Variants in HTR4 observed in about 807,000 individuals in gnomAD.
HTR4 encodes the protein 5-hydroxytryptamine receptor 4.
HTR4 carries 16 observed loss-of-function variants against 36.8 expected under a neutral mutation model. The ratio of observed to expected loss-of-function variants is 0.43; its 90% confidence interval spans 0.29 to 0.66. The LOEUF (loss-of-function observed/expected upper bound fraction) is 0.66, where lower values mean the gene tolerates loss of function less well. HTR4 is among the 30% of genes least tolerant of loss of function. The pLI is 0.13. For missense variants in HTR4, 438 were observed against 490.9 expected (o/e 0.89, Z 1.02); for synonymous variants, 189 against 185.1 (o/e 1.02, Z -0.17).
chr5:148,545,689 C>A (rs1759354372), intron 4 of HTR4, among the ~76,000 whole-genome samples: 1 of 152,058 alleles, frequency 6.6e-6, no homozygotes, highest in African/African-American at 2.4e-5. Context: ...GAGCAGAGAG[C>A]CCTGGAGAAC....
chr5:148,490,542 T>TTG (rs1756369892), intron 6 of HTR4: 29 of 1,118,260 alleles, frequency 2.6e-5, no homozygotes, highest in Non-Finnish European at 3.2e-5. Flanking sequence ...GCTTATGATT[T>TTG]TGTAACTCAC....
At chr5:148,484,290 C>G in intron 6 of HTR4, 1 of 1,613,728 alleles carries the variant, frequency 6.2e-7, no homozygotes, top group South Asian at 1.1e-5. Flanking sequence ...AGTCAAACAT[C>G]TAATGCTCAA....
chr5:148,459,948 T>A (rs1249664943), intron 5 of HTR4, among the ~76,000 whole-genome samples: 1 of 152,006 alleles, frequency 6.6e-6, no homozygotes, highest in Non-Finnish European at 1.5e-5. Flanking sequence ...GAGATGGAAA[T>A]TCTGAGAAAG....
At chr5:148,497,764 A>G (rs1756753856) in intron 6 of HTR4, among the ~76,000 whole-genome samples, 1 of 152,232 alleles carries the variant, frequency 6.6e-6, no homozygotes, top group South Asian at 2.1e-4. Flanking sequence ...CTGAGTTTGC[A>G]CATTTGATGA....
intron 6 of HTR4, among the ~76,000 whole-genome samples, chr5:148,487,244 G>T (rs1299521567): frequency 1.3e-5 from 2 of 152,064 alleles, no homozygotes; most frequent in Non-Finnish European, 2.9e-5. Context: ...CTATAACTTG[G>T]GTATTCTGCC....
At position 148,644,429 on chromosome 5, in the gene HTR4, T is replaced by G. The variant is rs1012217960; in HGVS notation, c.-47-7368A>C. On this transcript the variant is annotated intron_variant, in intron 1 of 6. Transcript: ENST00000377888. ...TAGGTCTCAAGCTCACAAGTTTTTT[T>G]TTTTTTTTTTTTTTTTTTTTTTTTT... 5.7e-5 allele frequency among the ~76,000 whole-genome samples: 7 copies of G among 123,822 alleles called. No homozygotes were observed. In the East Asian group the frequency reaches 7.0e-4, roughly 12 times the overall value. The allele number at this position is 123,822 out of a possible 152,430, so 81.2% of individuals were successfully genotyped here. A position where few individuals can be genotyped will look rare whatever the true frequency, so the allele number is the denominator to read the frequency against.
intron 2 of HTR4, among the ~76,000 whole-genome samples, chr5:148,624,620 C>G (rs1025135640): frequency 2.0e-5 from 3 of 152,302 alleles, no homozygotes; most frequent in East Asian, 3.9e-4. Context: ...ACAGGAGAAG[C>G]CTTTTCAACC....
At chr5:148,586,860 C>T (rs985202529) in intron 2 of HTR4, among the ~76,000 whole-genome samples, 34 of 152,318 alleles carry the variant, frequency 2.2e-4, no homozygotes, top group African/African-American at 7.9e-4. Context: ...CAACTTCTCT[C>T]ACCCACTCCT....
Position 148,483,173 on chromosome 5 carries a change from G to A in HTR4, c.*30C>T. 3.7e-6 allele frequency: 6 copies of A among 1,613,850 alleles called. No homozygotes were observed. The highest frequency in any genetic ancestry group is 5.1e-6 in the Non-Finnish European group (6 of 1,179,828). On this transcript the variant is annotated 3_prime_UTR_variant, in exon 7 of 7. Transcript: ENST00000377888. ...GGACCTGGCCCTCTTTCGGAGGCAT[G>A]GCTGTCTTCTGGGTCATTGTCCCAG...
At chr5:148,559,881 A>C (rs996635091) in intron 2 of HTR4, among the ~76,000 whole-genome samples, 7 of 152,034 alleles carry the variant, frequency 4.6e-5, no homozygotes, top group Non-Finnish European at 1.0e-4. Context: ...CCCGCTTATA[A>C]AGCTTTTTTA....
At chr5:148,565,426 A>G (rs935183939) in intron 2 of HTR4, among the ~76,000 whole-genome samples, 25 of 152,140 alleles carry the variant, frequency 1.6e-4, no homozygotes, top group African/African-American at 5.8e-4. Flanking sequence ...TCCAGACACA[A>G]CTGGTAGAAA....
At chr5:148,542,128 C>G (rs970277008) in intron 4 of HTR4, among the ~76,000 whole-genome samples, 3 of 152,164 alleles carry the variant, frequency 2.0e-5, no homozygotes, top group Non-Finnish European at 4.4e-5. Context: ...TTAGTAAGCA[C>G]TCCATAAATG....
chr5:148,640,518 G>C (rs1052917806), intron 1 of HTR4, among the ~76,000 whole-genome samples: 1 of 152,186 alleles, frequency 6.6e-6, no homozygotes, highest in East Asian at 1.9e-4. Context: ...GGAGGAGCTT[G>C]TCTGAGAAGA....
chr5:148,643,623 T>C (rs1017544600), intron 1 of HTR4, among the ~76,000 whole-genome samples: 18 of 152,308 alleles, frequency 1.2e-4, no homozygotes, highest in Admixed American at 3.3e-4. Flanking sequence ...AAAAGAGATA[T>C]AGTACATGAT....
At position 148,546,111 on chromosome 5, in the gene HTR4, C is replaced by T. The variant is rs377675976; in HGVS notation, c.353+2557G>A. 7.6e-4 allele frequency among the ~76,000 whole-genome samples: 116 copies of T among 152,138 alleles called. 2 individuals are homozygous for T. In the South Asian group the frequency reaches 0.023, roughly 30 times the overall value. ...GAAAGACTGCTATCAGAATAACTAC[C>T]TGGTTTCTAGATGATGCAAGCTGTT... On this transcript the variant is annotated intron_variant, in intron 4 of 6. Transcript: ENST00000377888.
At chr5:148,650,499 A>G (rs1310556188) in intron 1 of HTR4, among the ~76,000 whole-genome samples, 1 of 152,216 alleles carries the variant, frequency 6.6e-6, no homozygotes, top group Non-Finnish European at 1.5e-5. Context: ...CTGTCTCAAT[A>G]GCATAAAAAA....
At chr5:148,455,961 T>A (rs1755092547) in intron 5 of HTR4, among the ~76,000 whole-genome samples, 1 of 152,028 alleles carries the variant, frequency 6.6e-6, no homozygotes, top group Non-Finnish European at 1.5e-5. Context: ...TCTTCCTGTC[T>A]CAGGGGTGGC....
At chr5:148,572,252 A>G (rs1273381175) in intron 2 of HTR4, among the ~76,000 whole-genome samples, 1 of 152,074 alleles carries the variant, frequency 6.6e-6, no homozygotes, top group Non-Finnish European at 1.5e-5. Context: ...TGCCAGAAAG[A>G]GTCATATCTG....
intron 5 of HTR4, among the ~76,000 whole-genome samples, chr5:148,518,931 G>A (rs547347392): frequency 1.3e-5 from 2 of 152,078 alleles, no homozygotes; most frequent in East Asian, 1.9e-4. Context: ...GTTTTTGTGT[G>A]TGTTTTTTTA....
Sources: allele counts gnomAD v4.1 joint callset (sites outside exome capture counted in the v4.1 genomes callset), GRCh38; gene constraint gnomAD v4.1.1; transcripts MANE v1.5; gene names NCBI Gene and HGNC (gene_info 2026-07-23, HGNC 2026-07-21).